The following PROM1 variants were observed in gnomAD, a reference collection of about 807,000 sequenced individuals.
PROM1 encodes the protein prominin 1, also known as prominin-1.
In PROM1, 105 loss-of-function variants were observed where a neutral mutation model predicts 116.9. The ratio of observed to expected loss-of-function variants is 0.90; its 90% CI spans 0.77 to 1.06. PROM1 has a LOEUF of 1.06. Ranked by LOEUF, PROM1 falls within the 50% of genes least tolerant of loss-of-function variation. PROM1 has a pLI of 0.00. For missense variants in PROM1, 1,122 were observed against 1,045.2 expected, an observed-to-expected ratio of 1.07 and a Z score of -1.01; for synonymous variants, 393 against 387.0, an observed-to-expected ratio of 1.02 and a Z score of -0.18.
At position 16,006,404 on chromosome 4, in the gene PROM1, C is replaced by G. The variant is rs117289102; in HGVS notation, c.1454+134G>C. 4.3e-3 allele frequency: 4,671 copies of G among 1,075,724 alleles called. 186 individuals are homozygous for G. In the East Asian group the frequency reaches 0.097, roughly 22 times the overall value. 66.6% of individuals were successfully genotyped at this position (1,075,724 alleles called of 1,614,324 possible). A position where few individuals can be genotyped will look rare whatever the true frequency, so the allele number is the denominator to read the frequency against. ...AAGGTCCCATCACAGCAGGATCTCT[C>G]CTCCTCGCGACCTGGGAGCTGGAAC... On this transcript the variant is annotated intron_variant, in intron 13 of 27. Coordinates refer to ENST00000447510, the MANE Select transcript of PROM1 (RefSeq NM_006017.3).
intron 12 of PROM1, among the ~76,000 whole-genome samples, chr4:16,007,845 C>T (rs1725900098): frequency 1.3e-5 from 2 of 152,276 alleles, no homozygotes; most frequent in South Asian, 2.1e-4. Flanking sequence ...CCTAGCCCCA[C>T]AAGGGAATCA....
At chr4:16,064,213 C>A (rs1465146185) in intron 2 of PROM1, among the ~76,000 whole-genome samples, 1 of 152,050 alleles carries the variant, frequency 6.6e-6, no homozygotes, top group East Asian at 1.9e-4. Context: ...CAACCAAAAA[C>A]CTCTCAAATG....
chr4:16,046,215 A>G (rs1736516313), intron 2 of PROM1, among the ~76,000 whole-genome samples: 1 of 152,232 alleles, frequency 6.6e-6, no homozygotes, highest in South Asian at 2.1e-4. Context: ...CAAGAGGCAG[A>G]GCCAGTTGGT....
chr4:16,017,067 T>C (rs1035109580), intron 9 of PROM1, among the ~76,000 whole-genome samples: 1 of 152,228 alleles, frequency 6.6e-6, no homozygotes, highest in African/African-American at 2.4e-5. Flanking sequence ...ATAATGATTA[T>C]GTAAAGTTAG....
chr4:15,991,656 C>T (rs114630510), intron 17 of PROM1, among the ~76,000 whole-genome samples: 1,581 of 150,460 alleles, frequency 0.011, 27 homozygotes, highest in African/African-American at 0.037. Flanking sequence ...ACAGATGGGC[C>T]GGGCACAGAG....
At chr4:15,986,614 G>A (rs1312756844) in intron 20 of PROM1, among the ~76,000 whole-genome samples, 2 of 152,246 alleles carry the variant, frequency 1.3e-5, no homozygotes, top group East Asian at 3.9e-4. Flanking sequence ...CCTCATGAAA[G>A]GCCTTGCACC....
At position 15,987,603 on chromosome 4, in the gene PROM1, C is replaced by G. The variant is rs560317656; in HGVS notation, c.2130+60G>C. ...TACCTACAAAAATCCACATTTCTAG[C>G]ATTCTTTGTGTGGTATTTTATAACA... On this transcript the variant is annotated intron_variant, in intron 20 of 27. Coordinates refer to ENST00000447510, the MANE Select transcript of PROM1 (RefSeq NM_006017.3). 2.7e-5 allele frequency: 40 copies of G among 1,500,952 alleles called. No homozygotes were observed. In the East Asian group the frequency reaches 8.9e-4, roughly 33 times the overall value. The allele number at this position is 1,500,952 out of a possible 1,614,324, so 93.0% of individuals were successfully genotyped here. A position where few individuals can be genotyped will look rare whatever the true frequency, so the allele number is the denominator to read the frequency against.
rs1008639999 is a variant in PROM1, at chr4:16,023,558, G to T, written c.695-143C>A. ...GACCCTGTCTAGGGGTTAAACTCGT[G>T]TATGGAGATTTCTCTTCAGGGTCTC... is the stretch of plus-strand genomic sequence containing the variant. On this transcript the variant is annotated intron_variant, in intron 7 of 27. Coordinates refer to ENST00000447510, the MANE Select transcript of PROM1 (RefSeq NM_006017.3). 9 of 624,088 alleles carry T rather than the reference G, an allele frequency of 1.4e-5. No individual in the cohort carries two copies. In the African/African-American group the frequency reaches 1.7e-4, roughly 12 times the overall value. 38.7% of individuals were successfully genotyped at this position (624,088 alleles called of 1,614,324 possible).
intron 11 of PROM1, among the ~76,000 whole-genome samples, chr4:16,011,438 C>T (rs1416567558): frequency 6.6e-6 from 1 of 152,196 alleles, no homozygotes; most frequent in African/African-American, 2.4e-5. Context: ...GAGCAAAGGA[C>T]ATGAAACTGA....
intron 2 of PROM1, among the ~76,000 whole-genome samples, chr4:16,049,654 T>C (rs889966694): frequency 1.3e-5 from 2 of 151,930 alleles, no homozygotes; most frequent in Admixed American, 1.3e-4. Flanking sequence ...GTGTTTGTCA[T>C]AAGAAACTTA....
chr4:16,004,561 C>G (rs1158102231), intron 13 of PROM1, among the ~76,000 whole-genome samples: 1 of 152,050 alleles, frequency 6.6e-6, no homozygotes, highest in East Asian at 1.9e-4. Context: ...ACACACCCCA[C>G]CAAAACACTA....
chr4:16,006,884 G>A (rs1157202121), intron 12 of PROM1, among the ~76,000 whole-genome samples, 194 bp from the exon 13 acceptor site: 1 of 152,114 alleles, frequency 6.6e-6, no homozygotes, highest in East Asian at 1.9e-4. Context: ...TTCAACCAGC[G>A]GAGAAACTTT....
intron 2 of PROM1, among the ~76,000 whole-genome samples, chr4:16,054,393 A>G (rs1006220981): frequency 6.6e-6 from 1 of 152,184 alleles, no homozygotes; most frequent in African/African-American, 2.4e-5. Context: ...GACCAAACAC[A>G]TATCTTGATT....
intron 2 of PROM1, among the ~76,000 whole-genome samples, chr4:16,058,651 A>G (rs770320627): frequency 3.3e-5 from 4 of 122,874 alleles, no homozygotes; most frequent in South Asian, 2.4e-4. Context: ...CATCTCCGGG[A>G]AAAAAAAAAA....
At chr4:16,054,780 G>A (rs1280038114) in intron 2 of PROM1, among the ~76,000 whole-genome samples, 1 of 151,954 alleles carries the variant, frequency 6.6e-6, no homozygotes, top group Non-Finnish European at 1.5e-5. Context: ...CTTTGTTCAT[G>A]CCCCCTCTGA....
intron 11 of PROM1, among the ~76,000 whole-genome samples, chr4:16,012,288 C>A (rs1231966562): frequency 5.9e-5 from 9 of 152,170 alleles, no homozygotes; most frequent in African/African-American, 2.2e-4. Context: ...TGAGCCACTG[C>A]GCCCAGCCCA....
At chr4:16,005,483 TTTTG>T (rs1205835171) in intron 13 of PROM1, among the ~76,000 whole-genome samples, 22 of 143,120 alleles carry the variant, frequency 1.5e-4, no homozygotes, top group African/African-American at 5.5e-4. Flanking sequence ...ACCCAAAGTT[TTTTG>T]TTTGTTTGGT....
At chr4:16,000,446 T>C in intron 14 of PROM1, 50 bp downstream of exon 14, 1 of 1,473,234 alleles carries the variant, frequency 6.8e-7, no homozygotes. Flanking sequence ...TATGAAGAAA[T>C]CCAAGTTTCT....
At chr4:16,056,296 G>A (rs1355528292) in intron 2 of PROM1, among the ~76,000 whole-genome samples, 2 of 152,136 alleles carry the variant, frequency 1.3e-5, no homozygotes, top group African/African-American at 4.8e-5. Context: ...TGGCAGAGGA[G>A]GGCAAGAGGA....
Sources: gnomAD v4.1 joint callset for allele counts (sites outside exome capture counted in the v4.1 genomes callset) on GRCh38, gnomAD v4.1.1 for gene constraint, MANE v1.5 for transcripts, NCBI Gene and HGNC (gene_info 2026-07-23, HGNC 2026-07-21) for gene names.